Variants in IL6ST observed in about 807,000 individuals in gnomAD.
IL6ST encodes the protein interleukin-6 receptor subunit beta.
A neutral mutation model predicts 91.3 loss-of-function variants in IL6ST; 24 were observed. The observed-to-expected ratio is 0.26, with a 90% confidence interval of 0.19 to 0.37. IL6ST has a LOEUF of 0.37. Ranked by LOEUF, IL6ST falls within the 10% of genes least tolerant of loss-of-function variation. The pLI is 1.00. For synonymous variants in IL6ST, 351 were observed against 373.6 expected (o/e 0.94, Z 0.70); for missense variants, 914 against 1,078.5 (o/e 0.85, Z 2.14).
chr5:55,977,272 T>G (rs1168234977), intron 2 of IL6ST, among the ~76,000 whole-genome samples: 2 of 152,094 alleles, frequency 1.3e-5, no homozygotes, highest in African/African-American at 2.4e-5. Context: ...TCTTTTTTTT[T>G]TTAAGAGATG....
In IL6ST at chr5:55,937,974, ATTCTAC is replaced by A. The variant is rs1391440703; in HGVS notation, c.*3102_*3107del. 1 of 194,350 alleles carries A rather than the reference ATTCTAC, an allele frequency of 5.1e-6. No individual in the cohort carries two copies. Among genetic ancestry groups the A allele is most frequent in the Non-Finnish European group, 1.1e-5 (1 of 93,344 alleles). The allele number at this position is 194,350 out of a possible 1,614,324, so 12.0% of individuals were successfully genotyped here. A position where few individuals can be genotyped will look rare whatever the true frequency, so the allele number is the denominator to read the frequency against. Reference sequence around the variant, plus strand: ...AAATATTTTAGGGAATTCTATGATTATTCTACTTCTACATTTACATGTCATGGTTTT... The same window carrying A: ...AAATATTTTAGGGAATTCTATGATTATTCTACATTTACATGTCATGGTTTT... On this transcript the variant is annotated 3_prime_UTR_variant, in exon 17 of 17. Transcript: ENST00000381298.
chr5:55,962,886 A>G (rs947425119), intron 7 of IL6ST, among the ~76,000 whole-genome samples: 3 of 152,114 alleles, frequency 2.0e-5, no homozygotes, highest in Non-Finnish European at 4.4e-5. Context: ...AGGCCAAGGT[A>G]GGAGAATCGC....
intron 5 of IL6ST, among the ~76,000 whole-genome samples, chr5:55,964,786 T>C (rs1752544375): frequency 6.6e-6 from 1 of 152,148 alleles, no homozygotes; most frequent in Admixed American, 6.5e-5. Flanking sequence ...GGCAACTACT[T>C]TCTGATTTCT....
intron 8 of IL6ST, among the ~76,000 whole-genome samples, chr5:55,958,900 C>T (rs1178697056): frequency 6.7e-6 from 1 of 148,266 alleles, no homozygotes; most frequent in Non-Finnish European, 1.5e-5. Flanking sequence ...CAATTACAGA[C>T]AGCAAAACAG....
At chr5:55,963,224 G>A (rs1350569033) in intron 7 of IL6ST, 128 bp downstream of exon 7, 1 of 643,922 alleles carries the variant, frequency 1.6e-6, no homozygotes, top group Non-Finnish European at 2.7e-6. Flanking sequence ...TAACAACCCA[G>A]AAGAGGTTAT....
intron 15 of IL6ST, among the ~76,000 whole-genome samples, chr5:55,946,160 G>A (rs1751237320): frequency 6.6e-6 from 1 of 152,038 alleles, no homozygotes; most frequent in African/African-American, 2.4e-5. Context: ...ACTAGTCATC[G>A]GAGAAATGAA....
Position 55,969,847 on chromosome 5 carries a change from G to C in IL6ST, c.73C>G (p.Leu25Val). The stretch of plus-strand genomic sequence containing the variant: ...GGACTGATATAACCACATGGATCTA[G>C]AAGTTCACCTAAAAAGGAACAATAG... The part of the protein sequence containing the change: ...FLTTESTGEL[L>V]DPCGYISPES... The change falls in exon 4 of 17, where the codon CTA (leucine) becomes GTA (valine). Residue 25 changes from leucine to valine, a missense_variant. Physicochemically the swap from Leu to Val is conservative, Grantham distance 32 (BLOSUM62 1). Coordinates refer to ENST00000381298, the MANE Select transcript of IL6ST (RefSeq NM_002184.4). 2 of 1,584,814 alleles carry C rather than the reference G, an allele frequency of 1.3e-6. No individual in the cohort carries two copies. Among genetic ancestry groups the C allele is most frequent in the Non-Finnish European group, 1.7e-6 (2 of 1,160,466 alleles).
At chr5:55,975,170 G>A (rs761530957) in intron 3 of IL6ST, among the ~76,000 whole-genome samples, 5 of 152,066 alleles carry the variant, frequency 3.3e-5, no homozygotes, top group East Asian at 1.9e-4. Context: ...ATCTCATGTC[G>A]TATCATAATC....
intron 3 of IL6ST, among the ~76,000 whole-genome samples, chr5:55,971,241 T>A (rs547477047): frequency 6.6e-6 from 1 of 152,324 alleles, no homozygotes; most frequent in Admixed American, 6.5e-5. Context: ...TCTTCCAACA[T>A]CTCCAATTAG....
intron 3 of IL6ST, among the ~76,000 whole-genome samples, chr5:55,973,759 T>C (rs2111839830): frequency 6.6e-6 from 1 of 152,336 alleles, no homozygotes; most frequent in South Asian, 2.1e-4. Context: ...GGAGTATTTG[T>C]GAGGCAGCAA....
chr5:55,951,836 C>CT, intron 13 of IL6ST, 93 bp downstream of exon 13: 1 of 848,976 alleles, frequency 1.2e-6, no homozygotes, highest in Non-Finnish European at 1.8e-6. Context: ...GGCCAATATA[C>CT]TATAAGATGT....
chr5:55,975,903 GAAAA>G (rs1213180533), intron 3 of IL6ST, among the ~76,000 whole-genome samples: 2 of 121,298 alleles, frequency 1.6e-5, no homozygotes, highest in African/African-American at 6.1e-5. Flanking sequence ...ATTTACTGAA[GAAAA>G]AAAAAAAAAC....
At chr5:55,949,376 G>T (rs1751469122) in intron 14 of IL6ST, among the ~76,000 whole-genome samples, 1 of 152,120 alleles carries the variant, frequency 6.6e-6, no homozygotes, top group Non-Finnish European at 1.5e-5. Flanking sequence ...TTGGGAGGCT[G>T]AGGCAGGAGG....
chr5:55,979,324 G>T (rs4865630), intron 2 of IL6ST, among the ~76,000 whole-genome samples: 2,089 of 152,288 alleles, frequency 0.014, 85 homozygotes, highest in East Asian at 0.081. Context: ...ACGGTGTTTG[G>T]TGACAGAGGT....
chr5:55,959,564 G>T, intron 8 of IL6ST: 2 of 778,108 alleles, frequency 2.6e-6, no homozygotes, highest in South Asian at 1.6e-5. Context: ...CTCTTTTTGT[G>T]CCTTTTTTAT....
At chr5:55,954,083 A>G (rs879383417) in intron 11 of IL6ST, among the ~76,000 whole-genome samples, 2 of 152,218 alleles carry the variant, frequency 1.3e-5, no homozygotes, top group Non-Finnish European at 2.9e-5. Context: ...AGTAAACTAG[A>G]TAACCAAGCT....
chr5:55,941,465 G>T lies in IL6ST; in HGVS notation c.2374C>A (p.Arg792=), dbSNP rs2112980. 1 of 1,614,124 alleles carries T rather than the reference G, an allele frequency of 6.2e-7. No individual in the cohort carries two copies. The highest frequency in any genetic ancestry group is 8.5e-7 in the Non-Finnish European group (1 of 1,180,010). The change falls in exon 17 of 17, where the codon CGG becomes AGG. Residue 792 remains arginine (R), a synonymous_variant. Transcript: ENST00000381298. ...STQPLLDSEE[R]PEDLQLVDHV... ...TCTACTAATTGTAGATCTTCTGGCC[G>T]CTCCTCTGAATCTAACAAGGGCTGG... is the stretch of plus-strand genomic sequence containing the variant.
At chr5:55,988,584 T>C (rs368249013) in intron 1 of IL6ST, among the ~76,000 whole-genome samples, 6 of 151,808 alleles carry the variant, frequency 4.0e-5, no homozygotes, top group Admixed American at 2.0e-4. Context: ...CTGACCAACA[T>C]AGAGAAACCC....
At chr5:55,970,133 G>A (rs192591602) in intron 3 of IL6ST, among the ~76,000 whole-genome samples, 1 of 152,242 alleles carries the variant, frequency 6.6e-6, no homozygotes, top group East Asian at 1.9e-4. Context: ...AAGAAACACA[G>A]ACTGCCTGCA....
Sources: allele counts gnomAD v4.1 joint callset (sites outside exome capture counted in the v4.1 genomes callset), GRCh38; gene constraint gnomAD v4.1.1; transcripts MANE v1.5; gene names NCBI Gene and HGNC (gene_info 2026-07-23, HGNC 2026-07-21).